The following DLEC1 variants were observed in gnomAD, a reference collection of about 807,000 sequenced individuals.
DLEC1 encodes DLEC1 cilia and flagella associated protein, also known as deleted in lung and esophageal cancer protein 1.
DLEC1 carries 146 observed loss-of-function variants against 198.1 expected under a neutral mutation model. The observed-to-expected ratio is 0.74, with a 90% CI of 0.64 to 0.85. The LOEUF is 0.85. Ranked by LOEUF, DLEC1 falls within the 40% of genes least tolerant of loss-of-function variation. DLEC1 has a pLI of 0.00. For missense variants in DLEC1, 2,233 were observed against 2,220.0 expected (o/e 1.01, Z -0.12); for synonymous variants, 897 against 866.8 (o/e 1.03, Z -0.61).
rs549216837 is a variant in DLEC1, at chr3:38,119,019, C to T, written c.4704+995C>T. 1.8e-3 allele frequency among the ~76,000 whole-genome samples: 273 copies of T among 152,266 alleles called. 1 individual carries two copies. Among genetic ancestry groups the T allele is most frequent in the African/African-American group, 6.3e-3 (262 of 41,540 alleles). ...CCCACTTTGCGTTTGCTCCCTTCAA[C>T]GAGCTAAATGGATGGGAAGGCCCAG... On this transcript the variant is annotated intron_variant, in intron 33 of 36. Transcript: ENST00000308059.
Position 38,121,796 on chromosome 3 carries a change from GCCACCTAC to G in DLEC1, c.5020+21_5020+28del, listed in dbSNP as rs770438896. 31 of 1,612,608 alleles carry G rather than the reference GCCACCTAC, an allele frequency of 1.9e-5. No homozygotes were observed. Among genetic ancestry groups the G allele is most frequent in the Non-Finnish European group, 2.6e-5 (31 of 1,179,044 alleles). ...TATGCTGATGGGTATGTCCTACCCT[GCCACCTAC>G]CCACCGTTCCCCTACAGGGCTGTGC... is the stretch of plus-strand genomic sequence containing the variant. On this transcript the variant is annotated intron_variant, in intron 35 of 36. Transcript: ENST00000308059.
At chr3:38,045,184 C>T (rs57422540) in intron 1 of DLEC1, among the ~76,000 whole-genome samples, 9,119 of 152,258 alleles carry the variant, frequency 0.06, 338 homozygotes, top group Middle Eastern at 0.12. Flanking sequence ...CTGCTGACGA[C>T]GTTCCCTGTA....
At chr3:38,086,434 C>A in intron 9 of DLEC1, 57 bp downstream of exon 9, 4 of 1,560,128 alleles carry the variant, frequency 2.6e-6, no homozygotes, top group Admixed American at 1.8e-5. Flanking sequence ...AGGAAATAAC[C>A]CCCAGAGGAA....
intron 25 of DLEC1, among the ~76,000 whole-genome samples, chr3:38,114,122 A>AG (rs1265647236): frequency 6.6e-6 from 1 of 151,256 alleles, no homozygotes; most frequent in Admixed American, 6.6e-5. Context: ...AAAAAAAAAA[A>AG]AAAAAAAAAA....
intron 21 of DLEC1, 50 bp from the exon 22 acceptor site, chr3:38,109,382 T>G: frequency 6.2e-7 from 1 of 1,609,326 alleles, no homozygotes; most frequent in Non-Finnish European, 8.5e-7. Flanking sequence ...TCTGGGCTCA[T>G]CTTCAGAGGC....
At chr3:38,081,340 C>G (rs1228876418) in intron 6 of DLEC1, among the ~76,000 whole-genome samples, 2 of 139,830 alleles carry the variant, frequency 1.4e-5, no homozygotes, top group Non-Finnish European at 3.1e-5. Context: ...GCACACCTCC[C>G]AGACGGGGTG....
rs901055382 is a variant in DLEC1, at chr3:38,109,280, C to T, written c.3130-152C>T. On this transcript the variant is annotated intron_variant, in intron 21 of 36. Coordinates refer to ENST00000308059, the MANE Select transcript of DLEC1 (RefSeq NM_007335.4). ...GGGCCAGGCTTCCTGGGGCTGAGGG[C>T]GGGTCGACTGGCTGGGCTCACTGGA... 3.8e-5 allele frequency: 41 copies of T among 1,093,186 alleles called. 1 individual carries two copies. Among genetic ancestry groups the T allele is most frequent in the Admixed American group, 2.3e-4 (9 of 38,394 alleles). 67.7% of individuals were successfully genotyped at this position (1,093,186 alleles called of 1,614,324 possible).
chr3:38,041,036 G>A (rs1420802649), intron 1 of DLEC1, among the ~76,000 whole-genome samples: 1 of 151,662 alleles, frequency 6.6e-6, no homozygotes, highest in African/African-American at 2.4e-5. Flanking sequence ...ATTTGAGATG[G>A]AGTCTCACTC....
Position 38,122,202 on chromosome 3 carries a change from C to G in DLEC1, c.5144+8C>G, listed in dbSNP as rs1700511776. On this transcript the variant is annotated splice_region_variant and intron_variant, in intron 36 of 36. Transcript: ENST00000308059. Reference sequence around the variant, plus strand: ...GGTTTTCTTCACTGCCAGGTGCAGCCCCTTCCAACCTTCCCCAAACTGCCC... The same window carrying G: ...GGTTTTCTTCACTGCCAGGTGCAGCGCCTTCCAACCTTCCCCAAACTGCCC... The G allele has an allele frequency of 6.2e-7, 1 of 1,612,954 alleles. No homozygotes were observed. Among genetic ancestry groups the G allele is most frequent in the African/African-American group, 1.3e-5 (1 of 74,900 alleles).
rs1386478780 is a variant in DLEC1, at chr3:38,123,250, G to A, written c.*838G>A. 5 of 840,944 alleles carry A rather than the reference G, an allele frequency of 5.9e-6. No individual in the cohort carries two copies. In the Admixed American group the frequency reaches 1.0e-4, roughly 17 times the overall value. 52.1% of individuals were successfully genotyped at this position (840,944 alleles called of 1,614,324 possible). ...ATCAGACCAGATCTGTGGGCAAGCG[G>A]TACCCTGGCCTCCCACTTGGGCACA... On this transcript the variant is annotated 3_prime_UTR_variant, in exon 37 of 37. Transcript: ENST00000308059.
chr3:38,071,644 C>A (rs991084549), intron 6 of DLEC1, among the ~76,000 whole-genome samples: 3 of 152,234 alleles, frequency 2.0e-5, no homozygotes, highest in African/African-American at 4.8e-5. Context: ...GCCACCTTAT[C>A]AGCATAAGCG....
chr3:38,096,677 A>G lies in DLEC1; in HGVS notation c.2280A>G (p.Pro760=), dbSNP rs201753373. The G allele has an allele frequency of 2.5e-5, 41 of 1,613,568 alleles. No homozygotes were observed. Among genetic ancestry groups the G allele is most frequent in the Non-Finnish European group, 3.2e-5 (38 of 1,179,968 alleles). The change falls in exon 15 of 37, where the codon CCA becomes CCG. Residue 760 remains proline, a synonymous_variant. Coordinates refer to ENST00000308059, the MANE Select transcript of DLEC1 (RefSeq NM_007335.4). Reference sequence around the variant, plus strand: ...AACCTTTCCAGGTTCTCTTAGAGCCATATGCCCTCATCATCCCAGGGGAGA... The same window carrying G: ...AACCTTTCCAGGTTCTCTTAGAGCCGTATGCCCTCATCATCCCAGGGGAGA... ...SVEPFQVLLE[P]YALIIPGENY... is the part of the protein sequence containing the mutation.
chr3:38,070,420 T>C (rs376222867), intron 6 of DLEC1, among the ~76,000 whole-genome samples: 2 of 152,350 alleles, frequency 1.3e-5, no homozygotes, highest in South Asian at 4.1e-4. Context: ...CCACCTTTCC[T>C]GGTTGTTGCG....
chr3:38,121,854 G>T (rs1700484399), intron 35 of DLEC1, 73 bp downstream of exon 35: 2 of 1,558,540 alleles, frequency 1.3e-6, no homozygotes, highest in Non-Finnish European at 1.7e-6. Flanking sequence ...CCAGGAAGGG[G>T]CCCCTGTGCG....
intron 6 of DLEC1, among the ~76,000 whole-genome samples, chr3:38,079,148 C>CATG (rs1697811408): frequency 2.0e-5 from 3 of 151,276 alleles, no homozygotes; most frequent in African/African-American, 7.3e-5. Flanking sequence ...AGAGGAGGGC[C>CATG]CAAAGGAGGC....
intron 5 of DLEC1, 125 bp downstream of exon 5, chr3:38,062,926 A>G: frequency 9.7e-7 from 1 of 1,034,758 alleles, no homozygotes; most frequent in Non-Finnish European, 1.4e-6. Flanking sequence ...GTATCAGAAC[A>G]GAGCAGGGCT....
At position 38,092,793 on chromosome 3, in the gene DLEC1, T is replaced by G; in HGVS notation, c.1669T>G (p.Leu557Val). Reference protein sequence around the residue: ...APGHAILVEVLFSPKSLGKAE... With the variant: ...APGHAILVEVVFSPKSLGKAE... ...GAACAACCCTTCTCTCCCCCAGGTCTTGTTTTCCCCAAAGAGCCTAGGAAA... is the reference window on the plus strand; with the variant it reads ...GAACAACCCTTCTCTCCCCCAGGTCGTGTTTTCCCCAAAGAGCCTAGGAAA... Residue 557 changes from leucine to valine, a missense_variant, in exon 11 of 37, where the codon TTG (leucine) becomes GTG (valine). Physicochemically the swap from Leu to Val is conservative, Grantham distance 32. Coordinates refer to ENST00000308059, the MANE Select transcript of DLEC1 (RefSeq NM_007335.4). The G allele has an allele frequency of 6.2e-7, 1 of 1,614,048 alleles. No individual in the cohort carries two copies. Among genetic ancestry groups the G allele is most frequent in the Non-Finnish European group, 8.5e-7 (1 of 1,179,974 alleles).
intron 7 of DLEC1, among the ~76,000 whole-genome samples, chr3:38,085,005 A>C (rs1052288670): frequency 2.6e-5 from 4 of 152,162 alleles, no homozygotes; most frequent in Admixed American, 6.5e-5. Flanking sequence ...CCACCAAAGA[A>C]ATTCTAAGCC....
Position 38,122,112 on chromosome 3 carries a change from T to C in DLEC1, c.5062T>C (p.Ser1688Pro). The C allele has an allele frequency of 8.1e-6, 13 of 1,612,976 alleles. No homozygotes were observed. Among genetic ancestry groups the C allele is most frequent in the Non-Finnish European group, 1.1e-5 (13 of 1,178,894 alleles). Residue 1688 changes from serine (S) to proline (P), a missense_variant, in exon 36 of 37, where the codon TCC becomes CCC. By Grantham distance (74) the Ser-to-Pro change is moderately conservative (BLOSUM62 -1). Transcript: ENST00000308059. ...PAKAAVAFRV[S>P]PNSGLLEARS... ...CAAGGCCGCTGTGGCCTTCAGGGTC[T>C]CCCCAAACAGTGGGCTGCTAGAAGC... is the stretch of plus-strand genomic sequence containing the variant.
Sources: allele counts gnomAD v4.1 joint callset (sites outside exome capture counted in the v4.1 genomes callset), GRCh38; gene constraint gnomAD v4.1.1; transcripts MANE v1.5; gene names NCBI Gene and HGNC (gene_info 2026-07-23, HGNC 2026-07-21).